DNAH12: variants seen among roughly 807,000 people sequenced by gnomAD.
DNAH12 encodes the protein dynein axonemal heavy chain 12, also known as axonemal beta dynein heavy chain 12.
In DNAH12, 285 loss-of-function variants were observed where a neutral mutation model predicts 371.5. The ratio of observed to expected loss-of-function variants is 0.77; its 90% CI spans 0.70 to 0.85. The LOEUF (loss-of-function observed/expected upper bound fraction) is 0.85, where lower values mean the gene tolerates loss of function less well. DNAH12 is among the 40% of genes least tolerant of loss of function. DNAH12 has a pLI of 0.00. For synonymous variants in DNAH12, 1,200 were observed against 1,213.0 expected (o/e 0.99, Z 0.22); for missense variants, 3,611 against 3,689.4 (o/e 0.98, Z 0.55).
In DNAH12 at chr3:57,311,106, C is replaced by T. The variant is rs775244188; in HGVS notation, c.10663-156G>A. 1.3e-4 allele frequency among the ~76,000 whole-genome samples: 20 copies of T among 152,074 alleles called. 1 individual carries two copies. Among genetic ancestry groups the T allele is most frequent in the Non-Finnish European group, 1.9e-4 (13 of 68,018 alleles). On this transcript the variant is annotated intron_variant, in intron 66 of 73. Transcript: ENST00000495027. ...TTGTTAGTTTTTTTTTGGACAGTCT[C>T]GCTCTGTCGCCCAGGCTGGAGTGCA...
chr3:57,318,782 G>C (rs908557793), intron 65 of DNAH12, among the ~76,000 whole-genome samples: 4 of 151,420 alleles, frequency 2.6e-5, no homozygotes, highest in Middle Eastern at 3.2e-3. Context: ...CTGTAGCTTT[G>C]TATTATATTT....
At chr3:57,467,965 C>A (rs1192890054) in intron 17 of DNAH12, among the ~76,000 whole-genome samples, 1 of 152,136 alleles carries the variant, frequency 6.6e-6, no homozygotes, top group Non-Finnish European at 1.5e-5. Flanking sequence ...CCCTCTCTTG[C>A]CCTTACCACT....
intron 36 of DNAH12, among the ~76,000 whole-genome samples, chr3:57,420,186 C>T (rs1279155361): frequency 6.6e-6 from 1 of 152,112 alleles, no homozygotes; most frequent in Non-Finnish European, 1.5e-5. Context: ...TCCCAATCTT[C>T]ACTCCACCCC....
chr3:57,488,897 C>T (rs1479772872), intron 12 of DNAH12, among the ~76,000 whole-genome samples: 2 of 152,014 alleles, frequency 1.3e-5, no homozygotes, highest in African/African-American at 4.8e-5. Context: ...CCCGATGTGG[C>T]ATGGTCTTCC....
rs565594288 is a variant in DNAH12, at chr3:57,487,013, C to G, written c.1514+2496G>C. On this transcript the variant is annotated intron_variant, in intron 12 of 73. Transcript: ENST00000495027. ...GGAAAAGAGATTCCAGGAAGAAAAA[C>G]CAGCAAGGACAACGGCCATAAAGTG... Among the ~76,000 whole-genome samples, 3 of 152,146 alleles carry G rather than the reference C, an allele frequency of 2.0e-5. No individual in the cohort carries two copies. The South Asian group carries it at 6.2e-4, about 32-fold the overall frequency.
rs71088079 is a variant in DNAH12, at chr3:57,483,950, CAAAAAAAAA to C, written c.1515-448_1515-440del. 6.2e-5 allele frequency among the ~76,000 whole-genome samples: 4 copies of C among 64,094 alleles called. No homozygotes were observed. The East Asian group carries it at 2.0e-3, about 33-fold the overall frequency. The allele number at this position is 64,094 out of a possible 152,430, so 42.0% of individuals were successfully genotyped here. On this transcript the variant is annotated intron_variant, in intron 12 of 73. Transcript: ENST00000495027. ...TGGGTGACAGAGTGAGACCCTGTCTCAAAAAAAAAAAAAAAAAAAAAGCTTATCTGCTAT... is the reference window on the plus strand; with the variant it reads ...TGGGTGACAGAGTGAGACCCTGTCTCAAAAAAAAAAAAGCTTATCTGCTAT...
At chr3:57,468,037 G>A (rs1250014114) in intron 17 of DNAH12, among the ~76,000 whole-genome samples, 1 of 152,198 alleles carries the variant, frequency 6.6e-6, no homozygotes, top group Non-Finnish European at 1.5e-5. Context: ...AGAGGTGGGA[G>A]TGAATACATT....
At chr3:57,351,293 A>G (rs1553660122) in intron 60 of DNAH12, among the ~76,000 whole-genome samples, 1 of 150,224 alleles carries the variant, frequency 6.7e-6, no homozygotes, top group South Asian at 2.1e-4. Flanking sequence ...CAAACAAACA[A>G]AAAACCAACA....
chr3:57,415,770 T>A (rs1180521301), intron 37 of DNAH12, among the ~76,000 whole-genome samples: 9 of 148,684 alleles, frequency 6.1e-5, no homozygotes, highest in Non-Finnish European at 1.3e-4. Context: ...CTTTATTTTG[T>A]GTCTTTTTAT....
At chr3:57,374,980 A>T (rs931274237) in intron 55 of DNAH12, among the ~76,000 whole-genome samples, 1 of 152,128 alleles carries the variant, frequency 6.6e-6, no homozygotes, top group Admixed American at 6.6e-5. Context: ...TTGTATCTTG[A>T]TAGAGATTTG....
In DNAH12 at chr3:57,523,812, A is replaced by G; in HGVS notation, c.243T>C (p.Tyr81=). Residue 81 remains tyrosine (Y), a synonymous_variant, in exon 3 of 74, where the codon TAT becomes TAC. Coordinates refer to ENST00000495027, the MANE Select transcript of DNAH12 (RefSeq NM_001366028.2). ...GAAAACATAAACTTACAGTTTGAGG[A>G]TAATCAGGTGGTGGTAATAGAGGTG... ...KRTPLLPPPD[Y]PQTMTSEMKK... The G allele has an allele frequency of 6.2e-7, 1 of 1,600,378 alleles. No homozygotes were observed. The highest frequency in any genetic ancestry group is 8.5e-7 in the Non-Finnish European group (1 of 1,175,376).
chr3:57,334,634 A>C (rs2062181656), intron 61 of DNAH12, 25 bp from the exon 62 acceptor site: 1 of 1,524,490 alleles, frequency 6.6e-7, no homozygotes, highest in East Asian at 2.5e-5. Context: ...CTTAAGAATT[A>C]TTCTTTTTAT....
At chr3:57,461,172 A>G (rs2066043495) in intron 19 of DNAH12, among the ~76,000 whole-genome samples, 1 of 152,160 alleles carries the variant, frequency 6.6e-6, no homozygotes, top group Admixed American at 6.5e-5. Flanking sequence ...GCAACAAAAA[A>G]CAGGGTCTAG....
In DNAH12 at chr3:57,323,221, T is replaced by C. The variant is rs2061849648; in HGVS notation, c.10169A>G (p.Asn3390Ser). The C allele has an allele frequency of 6.4e-7, 1 of 1,552,120 alleles. No homozygotes were observed. The highest frequency in any genetic ancestry group is 8.7e-7 in the Non-Finnish European group (1 of 1,147,094). The change falls in exon 64 of 74, where the codon AAT becomes AGT. Residue 3390 changes from asparagine (N) to serine (S), a missense_variant. Physicochemically the swap from Asn to Ser is conservative, Grantham distance 46. This residue lies in a region of DNAH12 where 2,266 missense variants were observed against 2,236.9 expected (regional missense o/e 1.01). Coordinates refer to ENST00000495027, the MANE Select transcript of DNAH12 (RefSeq NM_001366028.2). ...KFANDKSMSG[N>S]KFQAISLGQG... ...TCCCAGTGAAATAGCTTGAAACTTATTTCCAGACATAGATTTATCATTTGC... is the reference window on the plus strand; with the variant it reads ...TCCCAGTGAAATAGCTTGAAACTTACTTCCAGACATAGATTTATCATTTGC...
Position 57,523,585 on chromosome 3 carries a change from C to CTT in DNAH12, c.275_276dup (p.Gly93LysfsTer8). On this transcript the variant is annotated frameshift_variant, in exon 4 of 74. Coordinates refer to ENST00000495027, the MANE Select transcript of DNAH12 (RefSeq NM_001366028.2). LOFTEE classifies it high-confidence loss of function. ...GAAATATAAAAACTTGAACTCACTCCTTTTTTTTTCATTTCACTGGTCATC... is the reference window on the plus strand; with the variant it reads ...GAAATATAAAAACTTGAACTCACTCCTTTTTTTTTTTCATTTCACTGGTCATC... 1.9e-6 allele frequency: 3 copies of CTT among 1,556,470 alleles called. No individual in the cohort carries two copies. The highest frequency in any genetic ancestry group is 1.2e-5 in the South Asian group (1 of 81,276).
chr3:57,543,318 T>TC (rs2069379747), intron 1 of DNAH12, among the ~76,000 whole-genome samples: 1 of 77,394 alleles, frequency 1.3e-5, no homozygotes, highest in African/African-American at 4.9e-5. Context: ...ATTAATGGTT[T>TC]TTTTTTTTTT....
rs2067049372 is a variant in DNAH12 at position 57,489,662 on chromosome 3, G to A, written c.1361C>T (p.Ala454Val). 2 of 1,505,504 alleles carry A rather than the reference G, an allele frequency of 1.3e-6. No homozygotes were observed. Among genetic ancestry groups the A allele is most frequent in the Non-Finnish European group, 1.8e-6 (2 of 1,134,230 alleles). 93.3% of individuals were successfully genotyped at this position (1,505,504 alleles called of 1,614,324 possible). ...TEFIEKFLSLASEIMLLPQWI... is the reference protein window; with the variant it reads ...TEFIEKFLSLVSEIMLLPQWI... The stretch of plus-strand genomic sequence containing the variant: ...CTGAGGCAAAAGCATTATTTCTGAG[G>A]CAAGACTGAGAAATTTTTCTATAAA... Residue 454 changes from alanine (A) to valine (V), a missense_variant, in exon 12 of 74, where the codon GCC becomes GTC. Coordinates refer to ENST00000495027, the MANE Select transcript of DNAH12 (RefSeq NM_001366028.2).
chr3:57,387,025 T>C (rs2063510984), intron 46 of DNAH12, 61 bp downstream of exon 46: 2 of 152,230 alleles, frequency 1.3e-5, no homozygotes. Context: ...ACATGTGAAT[T>C]AATTTGGAAA....
At chr3:57,447,732 T>C (rs760212802) in intron 25 of DNAH12, among the ~76,000 whole-genome samples, 1 of 152,168 alleles carries the variant, frequency 6.6e-6, no homozygotes, top group Non-Finnish European at 1.5e-5. Flanking sequence ...TGGAGCACAG[T>C]GGTGAGATCT....
Sources: gnomAD v4.1 joint callset for allele counts (sites outside exome capture counted in the v4.1 genomes callset) on GRCh38, gnomAD v4.1.1 for gene constraint, gnomAD v4.1.1 regional missense constraint, MANE v1.5 for transcripts, NCBI Gene and HGNC (gene_info 2026-07-23, HGNC 2026-07-21) for gene names.